Variants in TRMT11 observed in about 807,000 individuals in gnomAD.
TRMT11 encodes tRNA methyltransferase 11.
TRMT11 carries 53 observed loss-of-function variants against 62.8 expected under a neutral mutation model. The observed-to-expected ratio is 0.84, with a 90% CI of 0.68 to 1.06. The LOEUF (loss-of-function observed/expected upper bound fraction) is 1.06. TRMT11 is among the 50% of genes least tolerant of loss of function. The pLI, the probability that TRMT11 is intolerant of heterozygous loss-of-function variation, is 0.00. For missense variants in TRMT11, 556 were observed against 553.4 expected (o/e 1.00, Z -0.05); for synonymous variants, 188 against 190.3 (o/e 0.99, Z 0.10).
the TRMT11 span, among the ~76,000 whole-genome samples, chr6:126,240,518 A>G: frequency 6.6e-6 from 1 of 152,186 alleles, no homozygotes; most frequent in Non-Finnish European, 1.5e-5. Flanking sequence ...AGGCTGCAGA[A>G]CAGCAAATAT....
the TRMT11 span, among the ~76,000 whole-genome samples, chr6:126,249,961 G>A: frequency 6.6e-6 from 1 of 152,130 alleles, no homozygotes; most frequent in Non-Finnish European, 1.5e-5. Flanking sequence ...ACAGAAAAAT[G>A]TCAGGCACAA....
downstream of TRMT11, among the ~76,000 whole-genome samples, chr6:126,202,513 A>G (rs770200301): frequency 4.6e-4 from 70 of 152,308 alleles, no homozygotes; most frequent in Non-Finnish European, 7.5e-4. Flanking sequence ...TGCAGAAAAT[A>G]TACATTTCCA....
At chr6:126,075,493 C>G (rs1220929218) in intron 17 of TRMT11, among the ~76,000 whole-genome samples, 2 of 152,060 alleles carry the variant, frequency 1.3e-5, no homozygotes, top group Non-Finnish European at 2.9e-5. Context: ...CCACTTATCT[C>G]TCTTCCCCCT....
chr6:126,137,710 A>G (rs546613940), intron 21 of TRMT11, among the ~76,000 whole-genome samples: 2 of 152,080 alleles, frequency 1.3e-5, no homozygotes, highest in Admixed American at 1.3e-4. Flanking sequence ...AAGATATGGA[A>G]TCAACCTAAG....
intron 21 of TRMT11, among the ~76,000 whole-genome samples, chr6:126,135,943 A>T (rs1484978735): frequency 6.6e-6 from 1 of 151,900 alleles, no homozygotes; most frequent in South Asian, 2.1e-4. Flanking sequence ...ACATCCCTTT[A>T]TGATAAAAAC....
Position 126,016,051 on chromosome 6 carries a change from T to A in TRMT11, c.1139+2950T>A, listed in dbSNP as rs564877861. ...TGAATCATCATTTTCTTCTTTGATTTGTATTTTATGGGGAAATAAGATTAC... is the reference window on the plus strand; with the variant it reads ...TGAATCATCATTTTCTTCTTTGATTAGTATTTTATGGGGAAATAAGATTAC... On this transcript the variant is annotated intron_variant, in intron 11 of 12. Coordinates refer to ENST00000334379, the MANE Select transcript of TRMT11 (RefSeq NM_001031712.3). Among the ~76,000 whole-genome samples, 9 of 152,338 alleles carry A rather than the reference T, an allele frequency of 5.9e-5. No individual in the cohort carries two copies. In the South Asian group the frequency reaches 1.0e-3, roughly 18 times the overall value.
intron 21 of TRMT11, among the ~76,000 whole-genome samples, chr6:126,130,502 G>A (rs1777769222): frequency 6.6e-6 from 1 of 152,078 alleles, no homozygotes; most frequent in Non-Finnish European, 1.5e-5. Flanking sequence ...TCTGCCTGTA[G>A]GGTGTGTGCT....
the TRMT11 span, among the ~76,000 whole-genome samples, chr6:126,261,913 C>T: frequency 5.9e-5 from 9 of 151,922 alleles, no homozygotes; most frequent in African/African-American, 1.2e-4. Context: ...TGTGTAGACA[C>T]GGCAAGGCTG....
At chr6:126,177,525 A>G (rs57524535) in intron 1 of TRMT11, among the ~76,000 whole-genome samples, 6,581 of 152,220 alleles carry the variant, frequency 0.043, 466 homozygotes, top group African/African-American at 0.15. Flanking sequence ...TATATGTGCA[A>G]TAAAGCTTTA....
intron 16 of TRMT11, among the ~76,000 whole-genome samples, chr6:126,052,690 G>C (rs1184226041): frequency 2.0e-5 from 3 of 152,204 alleles, no homozygotes; most frequent in Non-Finnish European, 4.4e-5. Flanking sequence ...ACACAGAAAT[G>C]CTGCCAGGAA....
At chr6:126,092,516 C>G (rs994964590) in intron 17 of TRMT11, among the ~76,000 whole-genome samples, 5 of 152,156 alleles carry the variant, frequency 3.3e-5, no homozygotes, top group African/African-American at 1.2e-4. Context: ...AGGGCCCTCC[C>G]ACAACACGTG....
chr6:126,193,739 C>T (rs1309509766), intron 1 of TRMT11, among the ~76,000 whole-genome samples: 6 of 151,814 alleles, frequency 4.0e-5, no homozygotes, highest in South Asian at 2.1e-4. Flanking sequence ...GTGATCCGCC[C>T]GCCTCAGCCT....
chr6:126,175,501 A>G (rs776879115), upstream of TRMT11, among the ~76,000 whole-genome samples: 2 of 152,182 alleles, frequency 1.3e-5, no homozygotes, highest in Non-Finnish European at 2.9e-5. Context: ...GCCCTCAAAT[A>G]TCTGATTTAG....
chr6:126,202,623 T>C (rs868832033), downstream of TRMT11, among the ~76,000 whole-genome samples: 2 of 152,166 alleles, frequency 1.3e-5, no homozygotes, highest in Admixed American at 6.5e-5. Context: ...TTTAGTTTTG[T>C]GTTGATTTCT....
At chr6:126,048,052 G>A (rs1232111077) in intron 16 of TRMT11, among the ~76,000 whole-genome samples, 1 of 152,234 alleles carries the variant, frequency 6.6e-6, no homozygotes, top group Non-Finnish European at 1.5e-5. Flanking sequence ...TCCTTTGGGG[G>A]AAAACTTTAT....
At chr6:126,127,661 C>G (rs1458022388) in intron 21 of TRMT11, among the ~76,000 whole-genome samples, 39 of 135,076 alleles carry the variant, frequency 2.9e-4, no homozygotes, top group African/African-American at 9.2e-4. Flanking sequence ...CCCCTCCCCC[C>G]ACCCCACGAC....
chr6:126,199,099 C>T (rs1443082815), intron 2 of TRMT11, among the ~76,000 whole-genome samples: 2 of 152,116 alleles, frequency 1.3e-5, no homozygotes, highest in African/African-American at 4.8e-5. Context: ...AACTGGACAT[C>T]CATTAAATAA....
At chr6:126,026,531 C>T (rs570268439) in intron 12 of TRMT11, among the ~76,000 whole-genome samples, 4 of 152,034 alleles carry the variant, frequency 2.6e-5, no homozygotes, top group African/African-American at 7.2e-5. Context: ...GGACTACAGG[C>T]GTGTGCCACC....
intron 16 of TRMT11, among the ~76,000 whole-genome samples, chr6:126,045,150 T>C (rs1223836190): frequency 6.6e-6 from 1 of 150,790 alleles, no homozygotes; most frequent in African/African-American, 2.5e-5. Context: ...ATTACACCAC[T>C]GCACTCCAGC....
Sources: gnomAD v4.1 joint callset for allele counts (sites outside exome capture counted in the v4.1 genomes callset) on GRCh38, gnomAD v4.1.1 for gene constraint, MANE v1.5 for transcripts, NCBI Gene and HGNC (gene_info 2026-07-23, HGNC 2026-07-21) for gene names.